UNC79: variants seen among roughly 807,000 people sequenced by gnomAD.
UNC79 encodes the protein unc-79 subunit of NALCN channel complex.
A neutral mutation model predicts 283.1 loss-of-function variants in UNC79; 37 were observed. That is an observed-to-expected ratio of 0.13 (90% CI 0.10 to 0.17). The LOEUF is 0.17. Among genes scored for constraint, UNC79 ranks in the 10% least tolerant of loss-of-function variants. UNC79 has a pLI of 1.00. For synonymous variants in UNC79, 1,107 were observed against 1,200.2 expected, an observed-to-expected ratio of 0.92 and a Z score of 1.61; for missense variants, 2,272 against 3,211.1, an observed-to-expected ratio of 0.71 and a Z score of 7.07.
intron 1 of UNC79, among the ~76,000 whole-genome samples, chr14:93,339,714 T>A (rs943327075): frequency 6.6e-6 from 1 of 152,260 alleles, no homozygotes; most frequent in Admixed American, 6.5e-5. Context: ...TTGATGACTG[T>A]CTGGATTAGC....
intron 1 of UNC79, among the ~76,000 whole-genome samples, chr14:93,447,972 C>T (rs2056513852): frequency 6.6e-6 from 1 of 152,146 alleles, no homozygotes; most frequent in African/African-American, 2.4e-5. Flanking sequence ...GCATGGGCCT[C>T]TGGGTGTTCA....
Position 93,414,411 on chromosome 14 carries a change from A to G in UNC79, c.-350-53260A>G, listed in dbSNP as rs1237973377. 5.4e-3 allele frequency among the ~76,000 whole-genome samples: 822 copies of G among 151,998 alleles called. 7 individuals are homozygous for G. Among genetic ancestry groups the G allele is most frequent in the Non-Finnish European group, 8.8e-3 (598 of 67,892 alleles). On this transcript the variant is annotated intron_variant, in intron 1 of 49. Coordinates refer to the UNC79 transcript ENST00000256339. ...ATTTCTGTTTTGGTACCAGTACCAT[A>G]CTGTTTTGGTTACTGTAGCCTTGTA...
intron 4 of UNC79, among the ~76,000 whole-genome samples, chr14:93,487,019 G>C (rs1309915413): frequency 6.6e-6 from 1 of 152,094 alleles, no homozygotes; most frequent in Non-Finnish European, 1.5e-5. Flanking sequence ...TATGAAGATG[G>C]TAAGCTCTGG....
chr14:93,547,972 G>A (rs2061684358), intron 14 of UNC79, among the ~76,000 whole-genome samples: 2 of 152,144 alleles, frequency 1.3e-5, no homozygotes, highest in African/African-American at 4.8e-5. Context: ...GGGTGACAGA[G>A]TGAGACCCTG....
At chr14:93,665,546 T>C (rs1371959445) in intron 40 of UNC79, among the ~76,000 whole-genome samples, 3 of 151,974 alleles carry the variant, frequency 2.0e-5, no homozygotes, top group Non-Finnish European at 4.4e-5. Context: ...CCTGAAAGTA[T>C]TATAAATAAA....
intron 1 of UNC79, among the ~76,000 whole-genome samples, chr14:93,403,580 A>C (rs569542233): frequency 6.6e-6 from 1 of 152,316 alleles, no homozygotes; most frequent in Admixed American, 6.5e-5. Flanking sequence ...ATGAGTCCTC[A>C]GATAGAAAGT....
At chr14:93,660,382 G>A (rs2071408831) in intron 39 of UNC79, among the ~76,000 whole-genome samples, 1 of 151,622 alleles carries the variant, frequency 6.6e-6, no homozygotes, top group African/African-American at 2.4e-5. Flanking sequence ...CCATCACTAT[G>A]CTGCTCTTCT....
intron 39 of UNC79, among the ~76,000 whole-genome samples, chr14:93,660,360 G>A (rs1002569103): frequency 2.0e-5 from 3 of 151,512 alleles, no homozygotes; most frequent in African/African-American, 4.9e-5. Context: ...AGTCTTTTGG[G>A]TCCATATCGC....
At position 93,688,879 on chromosome 14, in the gene UNC79, G is replaced by A. The variant is rs1158122287; in HGVS notation, c.7085+39G>A. ...TATTCCGGGAATGAGGGTAAAGAAG[G>A]CAGGAGACACCCCTGAGTTTCCTCG... On this transcript the variant is annotated intron_variant, in intron 44 of 48. Coordinates refer to ENST00000555664, the Ensembl canonical transcript of UNC79. The surrounding 1 kb of genome is among the most constrained non-coding windows in gnomAD (Gnocchi z 4.0). 6 of 1,597,026 alleles carry A rather than the reference G, an allele frequency of 3.8e-6. No homozygotes were observed. The highest frequency in any genetic ancestry group is 3.4e-5 in the South Asian group (3 of 88,886).
At position 93,474,373 on chromosome 14, in the gene UNC79, T is replaced by C; in HGVS notation, c.428T>C (p.Leu143Ser). 1.3e-6 allele frequency: 2 copies of C among 1,535,802 alleles called. No homozygotes were observed. Among genetic ancestry groups the C allele is most frequent in the Non-Finnish European group, 1.7e-6 (2 of 1,146,656 alleles). The change falls in exon 3 of 49, where the codon TTA becomes TCA. Residue 143 changes from leucine to serine, a missense_variant. Leu to Ser is a moderately radical substitution (Grantham distance 145, BLOSUM62 -2). Transcript: ENST00000555664. This position sits in a 1 kb window ranked among gnomAD's most constrained non-coding sequence, Gnocchi z 4.1. ...GTGACCCTCCTGGATCTAGTTCCTT[T>C]ACTACAGCACGGCCAACACGGTGAG...
At chr14:93,406,388 G>C (rs2055225805) in intron 1 of UNC79, among the ~76,000 whole-genome samples, 1 of 152,030 alleles carries the variant, frequency 6.6e-6, no homozygotes, top group African/African-American at 2.4e-5. Flanking sequence ...TTTGAGACCA[G>C]CCTAGGCAAC....
At chr14:93,634,739 G>T (rs1183441964) in intron 31 of UNC79, 102 bp downstream of exon 34, 1 of 1,138,612 alleles carries the variant, frequency 8.8e-7, no homozygotes, top group Non-Finnish European at 1.3e-6. Flanking sequence ...TTTCTCTCAT[G>T]TTCTTTGGTT....
intron 26 of UNC79, among the ~76,000 whole-genome samples, chr14:93,611,609 C>T (rs2066310574): frequency 6.6e-6 from 1 of 152,144 alleles, no homozygotes; most frequent in Admixed American, 6.5e-5. Context: ...GAGATTTTGC[C>T]AAATTAACTG....
chr14:93,674,464 C>G (rs1451955360), intron 41 of UNC79, among the ~76,000 whole-genome samples: 2 of 152,182 alleles, frequency 1.3e-5, no homozygotes, highest in Non-Finnish European at 2.9e-5. Flanking sequence ...GCCTCTCACC[C>G]AAGGGTTGAG....
intron 22 of UNC79, among the ~76,000 whole-genome samples, chr14:93,589,891 C>T (rs2064529398): frequency 6.6e-6 from 1 of 152,118 alleles, no homozygotes; most frequent in African/African-American, 2.4e-5. Context: ...AGCAAGACCC[C>T]ATCTCTGCTA....
rs371430944 is a variant in UNC79, at chr14:93,403,593, G to T, written c.-350-64078G>T. Among the ~76,000 whole-genome samples, 14 of 152,062 alleles carry T rather than the reference G, an allele frequency of 9.2e-5. No homozygotes were observed. In the East Asian group the frequency reaches 2.7e-3, roughly 29 times the overall value. ...CCATGAGTCCTCAGATAGAAAGTGC[G>T]TTTCCAACAGCAAACAGCATAAAAT... On this transcript the variant is annotated intron_variant, in intron 1 of 49. Coordinates refer to the UNC79 transcript ENST00000256339.
rs116729501 is a variant in UNC79 at position 93,681,300 on chromosome 14, G to A, written c.6742-1317G>A. Among the ~76,000 whole-genome samples, 674 of 152,314 alleles carry A rather than the reference G, an allele frequency of 4.4e-3. 6 individuals are homozygous for A. Among genetic ancestry groups the A allele is most frequent in the African/African-American group, 0.015 (617 of 41,570 alleles). On this transcript the variant is annotated intron_variant, in intron 41 of 48. Coordinates refer to ENST00000555664, the Ensembl canonical transcript of UNC79. ...TACTTACGTGCTTTCCATGGAGGAC[G>A]CCCCTCCCACACTTGAACACCAGCT...
intron 41 of UNC79, among the ~76,000 whole-genome samples, chr14:93,679,304 C>T (rs2073630824): frequency 2.0e-5 from 3 of 152,014 alleles, no homozygotes; most frequent in African/African-American, 7.2e-5. Flanking sequence ...ACTAAAAATA[C>T]AAAAATTAGC....
At chr14:93,386,201 A>C (rs2054771593) in intron 1 of UNC79, among the ~76,000 whole-genome samples, 1 of 152,066 alleles carries the variant, frequency 6.6e-6, no homozygotes. Context: ...ATTTTATCAA[A>C]TGTCTTTTAA....
Sources: gnomAD v4.1 joint callset for allele counts (sites outside exome capture counted in the v4.1 genomes callset) on GRCh38, gnomAD v4.1.1 for gene constraint, Gnocchi (gnomAD v3.1) non-coding constraint, MANE v1.5 for transcripts, NCBI Gene and HGNC (gene_info 2026-07-23, HGNC 2026-07-21) for gene names.